Variants in COL1A1 observed in about 807,000 individuals in gnomAD.
The protein encoded by COL1A1 is collagen type I alpha 1 chain, also known as collagen alpha-1(I) chain.
In COL1A1, 21 loss-of-function variants were observed where a neutral mutation model predicts 195.7. That is an observed-to-expected ratio of 0.11 (90% CI 0.08 to 0.15). The LOEUF is 0.15. Ranked by LOEUF, COL1A1 falls within the 10% of genes least tolerant of loss-of-function variation. COL1A1 has a pLI of 1.00. For synonymous variants in COL1A1, 749 were observed against 747.3 expected (o/e 1.00, Z -0.04); for missense variants, 1,365 against 2,051.0 (o/e 0.67, Z 6.46).
chr17:50,201,243 C>A (rs1598303445), intron 1 of COL1A1, among the ~76,000 whole-genome samples, 168 bp downstream of exon 1: 1 of 152,226 alleles, frequency 6.6e-6, no homozygotes, highest in Admixed American at 6.5e-5. Context: ...AACCTCGCCC[C>A]AGGGTGAGCT....
At position 50,194,076 on chromosome 17, in the gene COL1A1, C is replaced by T. The variant is rs761324919; in HGVS notation, c.1669-35G>A. 5 of 1,610,426 alleles carry T rather than the reference C, an allele frequency of 3.1e-6. No individual in the cohort carries two copies. Among genetic ancestry groups the T allele is most frequent in the South Asian group, 2.2e-5 (2 of 90,982 alleles). ...GGAGGCACGAAAGCAGCAGTGAGGA[C>T]AGCAGGGAGGCAGACAGGACAATGG... On this transcript the variant is annotated intron_variant, in intron 24 of 50. Coordinates refer to ENST00000225964, the MANE Select transcript of COL1A1 (RefSeq NM_000088.4). This position sits in a 1 kb window ranked among gnomAD's most constrained non-coding sequence, Gnocchi z 6.8.
rs1906501124 is a variant in COL1A1 at position 50,186,134 on chromosome 17, A to G, written c.4006-114T>C. The stretch of plus-strand genomic sequence containing the variant: ...CTGCCCAATGCACCGTTATATCGAG[A>G]GGAGGCACCACCTGCCCATCGGCAG... On this transcript the variant is annotated intron_variant, in intron 49 of 50. Transcript: ENST00000225964. This position sits in a 1 kb window ranked among gnomAD's most constrained non-coding sequence, Gnocchi z 5.3. 1 of 1,546,276 alleles carries G rather than the reference A, an allele frequency of 6.5e-7. No homozygotes were observed. The highest frequency in any genetic ancestry group is 1.8e-5 in the Admixed American group (1 of 55,366).
In COL1A1 at chr17:50,195,518, C is replaced by T. The variant is rs1293622471; in HGVS notation, c.1156-40G>A. ...AAGGAGTGTCAGCAACAGGCAAGGA[C>T]TCTGAGGTTAGAAAGTGGCAAAGGG... On this transcript the variant is annotated intron_variant, in intron 17 of 50. Transcript: ENST00000225964. The surrounding 1 kb of genome is among the most constrained non-coding windows in gnomAD (Gnocchi z 4.3). The T allele has an allele frequency of 1.6e-5, 26 of 1,614,080 alleles. No homozygotes were observed. In the East Asian group the frequency reaches 5.8e-4, roughly 36 times the overall value.
Position 50,188,939 on chromosome 17 carries a change from A to G in COL1A1, c.3009T>C (p.Pro1003=). 6.2e-7 allele frequency: 1 copy of G among 1,612,824 alleles called. No homozygotes were observed. Among genetic ancestry groups the G allele is most frequent in the Non-Finnish European group, 8.5e-7 (1 of 1,179,160 alleles). Residue 1003 remains proline (P), a synonymous_variant, in exon 41 of 51, where the codon CCT becomes CCC. Coordinates refer to ENST00000225964, the MANE Select transcript of COL1A1 (RefSeq NM_000088.4). The surrounding 1 kb of genome is among the most constrained non-coding windows in gnomAD (Gnocchi z 5.6). ...ERGPPGPMGP[P]GLAGPPGESG... ...ATTCACCAGGGGGTCCAGCCAATCC[A>G]GGGGGGCCCATGGGACCAGGGGGAC...
rs762805085 is a variant in COL1A1 at position 50,186,804 on chromosome 17, C to G, written c.3650G>C (p.Arg1217Pro). 3 of 1,614,138 alleles carry G rather than the reference C, an allele frequency of 1.9e-6. No homozygotes were observed. The highest frequency in any genetic ancestry group is 2.5e-6 in the Non-Finnish European group (3 of 1,180,042). Residue 1217 changes from arginine to proline, a missense_variant, in exon 48 of 51, where the codon CGG (arginine) becomes CCG (proline). Coordinates refer to ENST00000225964, the MANE Select transcript of COL1A1 (RefSeq NM_000088.4). This position sits in a 1 kb window ranked among gnomAD's most constrained non-coding sequence, Gnocchi z 5.3. ...ACGAACCACATTGGCATCATCAGCC[C>G]GGTAGTAGCGGCCACCATCGTGAGC... ...EKAHDGGRYY[R>P]ADDANVVRDR...
At chr17:50,196,431 T>C in intron 13 of COL1A1, 53 bp downstream of exon 13, 1 of 1,614,094 alleles carries the variant, frequency 6.2e-7, no homozygotes, top group Non-Finnish European at 8.5e-7. Flanking sequence ...CAGGCCTCCA[T>C]CTTGCCCCTG....
In COL1A1 at chr17:50,190,411, G is replaced by A. The variant is rs755877537; in HGVS notation, c.2398-31C>T. On this transcript the variant is annotated intron_variant, in intron 34 of 50. Transcript: ENST00000225964. The surrounding 1 kb of genome is among the most constrained non-coding windows in gnomAD (Gnocchi z 4.7). Reference sequence around the variant, plus strand: ...AGAAAAGGAGTCAGATTGGAGAGATGCGCTGACAGGAGGGAAGGCGGGGAT... The same window carrying A: ...AGAAAAGGAGTCAGATTGGAGAGATACGCTGACAGGAGGGAAGGCGGGGAT... 6.2e-7 allele frequency: 1 copy of A among 1,603,184 alleles called. No homozygotes were observed. Among genetic ancestry groups the A allele is most frequent in the Admixed American group, 1.7e-5 (1 of 59,964 alleles).
intron 1 of COL1A1, chr17:50,200,154 T>C (rs1382544798): frequency 1.6e-6 from 1 of 619,032 alleles, no homozygotes; most frequent in African/African-American, 1.8e-5. Flanking sequence ...CTGTAACTCT[T>C]TCCAGTTCTC....
intron 1 of COL1A1, among the ~76,000 whole-genome samples, chr17:50,200,614 T>C (rs1839231431): frequency 6.6e-6 from 1 of 152,008 alleles, no homozygotes; most frequent in African/African-American, 2.4e-5. Context: ...AGTCCGCAAA[T>C]AGTCCAGAAG....
Position 50,188,285 on chromosome 17 carries a change from G to A in COL1A1, c.3208-136C>T. ...GTGGCCATCTCTCCCAACTCCCAGG[G>A]AAACCTCCCCACTGCAATCTTCACG... is the stretch of plus-strand genomic sequence containing the variant. On this transcript the variant is annotated intron_variant, in intron 43 of 50. Coordinates refer to ENST00000225964, the MANE Select transcript of COL1A1 (RefSeq NM_000088.4). The surrounding 1 kb of genome is among the most constrained non-coding windows in gnomAD (Gnocchi z 5.6). 1.0e-6 allele frequency: 1 copy of A among 973,648 alleles called. No individual in the cohort carries two copies. The highest frequency in any genetic ancestry group is 1.5e-6 in the Non-Finnish European group (1 of 662,568). 60.3% of individuals were successfully genotyped at this position (973,648 alleles called of 1,614,324 possible).
rs757759451 is a variant in COL1A1, at chr17:50,185,829, G to A, written c.4197C>T (p.Arg1399=). ...LLQGSNEIEI[R]AEGNSRFTYS... ...AGGTGAAGCGGCTGTTGCCCTCGGC[G>A]CGGATCTCGATCTCGTTGGAGCCCT... The change falls in exon 50 of 51, where the codon CGC becomes CGT. Residue 1399 remains arginine, a synonymous_variant. Transcript: ENST00000225964. 1.1e-5 allele frequency: 17 copies of A among 1,613,990 alleles called. No homozygotes were observed. The Middle Eastern group carries it at 4.9e-4, about 47-fold the overall frequency.
At chr17:50,196,883 T>C (rs915734355) in intron 11 of COL1A1, 127 bp downstream of exon 11, 1 of 1,200,056 alleles carries the variant, frequency 8.3e-7, no homozygotes, top group Non-Finnish European at 1.2e-6. Context: ...GTCCACTCTC[T>C]GTCCCTTGGG....
intron 29 of COL1A1, 48 bp downstream of exon 29, chr17:50,192,427 C>T: frequency 6.4e-7 from 1 of 1,558,478 alleles, no homozygotes. Context: ...GCCTGTCCCT[C>T]TGGATTCCCT....
chr17:50,198,989 A>G (rs930230350), intron 5 of COL1A1, among the ~76,000 whole-genome samples: 3 of 152,220 alleles, frequency 2.0e-5, no homozygotes, highest in African/African-American at 7.2e-5. Flanking sequence ...ATTTAGGCGC[A>G]AAAGAGCCTG....
intron 46 of COL1A1, among the ~76,000 whole-genome samples, 162 bp from the exon 47 acceptor site, chr17:50,187,284 G>A (rs1409769738): frequency 1.3e-5 from 2 of 152,240 alleles, no homozygotes; most frequent in Non-Finnish European, 2.9e-5. Context: ...CCCAGCCGCT[G>A]AGCCAGGGGA....
intron 8 of COL1A1, 21 bp from the exon 9 acceptor site, chr17:50,197,806 G>T: frequency 6.2e-7 from 1 of 1,607,610 alleles, no homozygotes; most frequent in Non-Finnish European, 8.5e-7. Flanking sequence ...TAGAAGAGGT[G>T]GTTAGAATAT....
At chr17:50,197,845 G>A in intron 8 of COL1A1, 60 bp from the exon 9 acceptor site, 1 of 1,591,408 alleles carries the variant, frequency 6.3e-7, no homozygotes, top group Non-Finnish European at 8.6e-7. Context: ...GGGAAGGCTG[G>A]GATTGAAGGG....
Position 50,190,202 on chromosome 17 carries a change from G to T in COL1A1, c.2452-94C>A. ...AGTAATGGAGGCAGGAAGATGCTTGGGTGGGAAACAATCCCGTCTCCACCC... is the reference window on the plus strand; with the variant it reads ...AGTAATGGAGGCAGGAAGATGCTTGTGTGGGAAACAATCCCGTCTCCACCC... On this transcript the variant is annotated intron_variant, in intron 35 of 50. Transcript: ENST00000225964. This position sits in a 1 kb window ranked among gnomAD's most constrained non-coding sequence, Gnocchi z 4.7. 2 of 1,295,818 alleles carry T rather than the reference G, an allele frequency of 1.5e-6. No individual in the cohort carries two copies. The highest frequency in any genetic ancestry group is 2.2e-6 in the Non-Finnish European group (2 of 891,250). 80.3% of individuals were successfully genotyped at this position (1,295,818 alleles called of 1,614,324 possible).
rs374278811 is a variant in COL1A1, at chr17:50,200,441, C to T, written c.104-494G>A. Among the ~76,000 whole-genome samples, 625 of 152,170 alleles carry T rather than the reference C, an allele frequency of 4.1e-3. 3 individuals carry two copies. The highest frequency in any genetic ancestry group is 0.015 in the African/African-American group (606 of 41,508). ...GGCGGGGCTAGGAGAATGGGAGCGG[C>T]TGATTGGAAGGGAGGCCCCCCCAAG... On this transcript the variant is annotated intron_variant, in intron 1 of 50. Coordinates refer to ENST00000225964, the MANE Select transcript of COL1A1 (RefSeq NM_000088.4).
Sources: gnomAD v4.1 joint callset for allele counts (sites outside exome capture counted in the v4.1 genomes callset) on GRCh38, gnomAD v4.1.1 for gene constraint, Gnocchi (gnomAD v3.1) non-coding constraint, MANE v1.5 for transcripts, NCBI Gene and HGNC (gene_info 2026-07-23, HGNC 2026-07-21) for gene names.